The following FNDC3B variants were observed in gnomAD, a reference collection of about 807,000 sequenced individuals.
FNDC3B encodes fibronectin type III domain-containing protein 3B.
FNDC3B carries 12 observed loss-of-function variants against 151.5 expected under a neutral mutation model. The ratio of observed to expected loss-of-function variants is 0.08; its 90% CI spans 0.05 to 0.13. The LOEUF (loss-of-function observed/expected upper bound fraction) is 0.13. Among genes scored for constraint, FNDC3B ranks in the 10% least tolerant of loss-of-function variants. The probability of loss-of-function intolerance (pLI) is 1.00; values close to 1 mark genes in which losing one functional copy is unlikely to be tolerated. For missense variants in FNDC3B, 1,214 were observed against 1,505.3 expected (o/e 0.81, Z 3.20); for synonymous variants, 528 against 549.0 (o/e 0.96, Z 0.54).
intron 6 of FNDC3B, among the ~76,000 whole-genome samples, chr3:172,272,089 A>C (rs1024468258): frequency 6.6e-6 from 1 of 152,194 alleles, no homozygotes; most frequent in Non-Finnish European, 1.5e-5. Flanking sequence ...CCAGCAGTCT[A>C]AACTAAAAAT....
At chr3:172,333,318 A>G in intron 14 of FNDC3B, 143 bp downstream of exon 14, 1 of 623,860 alleles carries the variant, frequency 1.6e-6, no homozygotes, top group Non-Finnish European at 2.9e-6. Flanking sequence ...TATAAAGTGT[A>G]CAACATGCTT....
At chr3:172,169,777 T>C (rs1251899967) in intron 3 of FNDC3B, among the ~76,000 whole-genome samples, 1 of 152,268 alleles carries the variant, frequency 6.6e-6, no homozygotes, top group Non-Finnish European at 1.5e-5. Context: ...GATGAGTTAC[T>C]TTGTTCCCCA....
chr3:172,400,343 G>T lies in FNDC3B; in HGVS notation c.*2868G>T, dbSNP rs1299408996. ...TTGTTCTTATCAACTTGAAATGTTGGCATTTTCTAACCTTGTTTTGTTGGC... is the reference window on the plus strand; with the variant it reads ...TTGTTCTTATCAACTTGAAATGTTGTCATTTTCTAACCTTGTTTTGTTGGC... On this transcript the variant is annotated 3_prime_UTR_variant, in exon 26 of 26. Transcript: ENST00000415807. 2 of 152,514 alleles carry T rather than the reference G, an allele frequency of 1.3e-5. No homozygotes were observed. Among genetic ancestry groups the T allele is most frequent in the Non-Finnish European group, 2.9e-5 (2 of 68,018 alleles). The allele number at this position is 152,514 out of a possible 1,614,324, so 9.4% of individuals were successfully genotyped here. A position where few individuals can be genotyped will look rare whatever the true frequency, so the allele number is the denominator to read the frequency against.
At chr3:172,060,120 C>T (rs1341925137) in intron 1 of FNDC3B, among the ~76,000 whole-genome samples, 1 of 152,138 alleles carries the variant, frequency 6.6e-6, no homozygotes, top group East Asian at 1.9e-4. Context: ...ATTTGTTTCC[C>T]TCCCGAAGAG....
chr3:172,334,855 G>GC, intron 14 of FNDC3B, 89 bp from the exon 15 acceptor site: 1 of 1,185,424 alleles, frequency 8.4e-7, no homozygotes, highest in East Asian at 2.4e-5. Flanking sequence ...GTTTATGGGT[G>GC]CCTTAATCTC....
Position 172,109,266 on chromosome 3 carries a change from C to T in FNDC3B, c.-28-3186C>T, listed in dbSNP as rs575999362. 2.5e-3 allele frequency among the ~76,000 whole-genome samples: 374 copies of T among 150,696 alleles called. 1 individual carries two copies. Among genetic ancestry groups the T allele is most frequent in the African/African-American group, 8.9e-3 (363 of 40,708 alleles). ...CTGCAAGCTCCGCCTCCCGGGTTCA[C>T]GCCATTCTCCTGCCTCAGCCTCCCA... is the stretch of plus-strand genomic sequence containing the variant. On this transcript the variant is annotated intron_variant, in intron 1 of 25. Coordinates refer to ENST00000415807, the MANE Select transcript of FNDC3B (RefSeq NM_022763.4).
rs541729628 is a variant in FNDC3B at position 172,116,862 on chromosome 3, G to C, written c.111+4272G>C. On this transcript the variant is annotated intron_variant, in intron 2 of 25. Transcript: ENST00000415807. ...ATTACATGTGTGAGCCACCACGCCCGGTTCACTCAACACATTTCTAAGGTT... is the reference window on the plus strand; with the variant it reads ...ATTACATGTGTGAGCCACCACGCCCCGTTCACTCAACACATTTCTAAGGTT... 5.3e-5 allele frequency among the ~76,000 whole-genome samples: 8 copies of C among 152,236 alleles called. No individual in the cohort carries two copies. The South Asian group carries it at 1.7e-3, about 32-fold the overall frequency.
chr3:172,097,563 T>C (rs891465769), intron 1 of FNDC3B, among the ~76,000 whole-genome samples: 2 of 152,248 alleles, frequency 1.3e-5, no homozygotes, highest in African/African-American at 4.8e-5. Flanking sequence ...ATGCTCATTG[T>C]AGAATATTTT....
At chr3:172,157,805 C>T (rs575599067) in intron 3 of FNDC3B, among the ~76,000 whole-genome samples, 1 of 152,260 alleles carries the variant, frequency 6.6e-6, no homozygotes, top group East Asian at 1.9e-4. Flanking sequence ...TCTGGCTTTG[C>T]TTGAACATGA....
chr3:172,394,106 TAAAAAAAAAAAAAAAAA>T (rs60559371), intron 25 of FNDC3B, among the ~76,000 whole-genome samples: 8 of 16,644 alleles, frequency 4.8e-4, no homozygotes, highest in African/African-American at 1.1e-3. Flanking sequence ...AGACTCCTTC[TAAAAAAAAAAAAAAAAA>T]AAAAAAAAAA....
At chr3:172,322,095 T>C (rs1470462275) in intron 11 of FNDC3B, among the ~76,000 whole-genome samples, 1 of 152,236 alleles carries the variant, frequency 6.6e-6, no homozygotes, top group Non-Finnish European at 1.5e-5. Flanking sequence ...ACAATCACTT[T>C]CTTATGCTTG....
Position 172,400,434 on chromosome 3 carries a change from C to T in FNDC3B, c.*2959C>T, listed in dbSNP as rs1047744420. 6.6e-5 allele frequency: 10 copies of T among 152,538 alleles called. No individual in the cohort carries two copies. The highest frequency in any genetic ancestry group is 2.4e-4 in the African/African-American group (10 of 41,428). 9.4% of individuals were successfully genotyped at this position (152,538 alleles called of 1,614,324 possible). On this transcript the variant is annotated 3_prime_UTR_variant, in exon 26 of 26. Coordinates refer to ENST00000415807, the MANE Select transcript of FNDC3B (RefSeq NM_022763.4). ...TAATTGAATGTGTTTGAATGTTATC[C>T]TTGCACAATTCTTTAAATTGAAAGA... is the stretch of plus-strand genomic sequence containing the variant.
intron 16 of FNDC3B, among the ~76,000 whole-genome samples, chr3:172,340,661 C>G (rs1170615163): frequency 6.6e-6 from 1 of 152,188 alleles, no homozygotes; most frequent in African/African-American, 2.4e-5. Context: ...TTCCTTTGAC[C>G]TCTAGGCAGA....
In FNDC3B at chr3:172,328,952, G is replaced by A. The variant is rs1050527428; in HGVS notation, c.1255G>A (p.Gly419Arg). 6.2e-7 allele frequency: 1 copy of A among 1,600,804 alleles called. No individual in the cohort carries two copies. Among genetic ancestry groups the A allele is most frequent in the Non-Finnish European group, 8.5e-7 (1 of 1,172,740 alleles). Residue 419 changes from glycine (G) to arginine (R), a missense_variant and splice_region_variant, in exon 12 of 26, where the codon GGA (glycine) becomes AGA (arginine). Gly to Arg is a moderately radical substitution (Grantham distance 125). Around this residue, in one of 7 missense-constraint regions of FNDC3B, gnomAD observed 156 missense variants for 225.3 expected, o/e 0.69. Coordinates refer to ENST00000415807, the MANE Select transcript of FNDC3B (RefSeq NM_022763.4). Reference protein sequence around the residue: ...ITNYLLEWDEGKRNSGFRQCF... With the variant: ...ITNYLLEWDERKRNSGFRQCF... ...GCATTGTTTCATTGTTTACTTTTAG[G>A]GAAAAAGAAATAGTGGTTTCAGACA...
At chr3:172,123,629 C>T (rs1720663934) in intron 2 of FNDC3B, among the ~76,000 whole-genome samples, 1 of 152,144 alleles carries the variant, frequency 6.6e-6, no homozygotes, top group African/African-American at 2.4e-5. Flanking sequence ...AAATAGGCCA[C>T]AGTAATGCAG....
At chr3:172,386,764 A>G (rs1216599936) in intron 25 of FNDC3B, among the ~76,000 whole-genome samples, 7 of 151,644 alleles carry the variant, frequency 4.6e-5, no homozygotes, top group South Asian at 2.1e-4. Context: ...AAAAAGAAAA[A>G]AAAAAAAAAA....
intron 1 of FNDC3B, among the ~76,000 whole-genome samples, chr3:172,044,283 C>CT (rs767357950): frequency 0.066 from 7,307 of 110,330 alleles, 273 homozygotes; most frequent in Middle Eastern, 0.083. Context: ...AATTCCAACT[C>CT]TTTTTTTTTT....
At chr3:172,345,104 G>C (rs1733538756) in intron 19 of FNDC3B, among the ~76,000 whole-genome samples, 1 of 152,170 alleles carries the variant, frequency 6.6e-6, no homozygotes, top group Non-Finnish European at 1.5e-5. Flanking sequence ...TTAAGTGAAA[G>C]CAAGTTTATT....
At chr3:172,054,752 G>A (rs1182007467) in intron 1 of FNDC3B, among the ~76,000 whole-genome samples, 1 of 152,088 alleles carries the variant, frequency 6.6e-6, no homozygotes, top group Non-Finnish European at 1.5e-5. Flanking sequence ...CAGAGAAGTG[G>A]TACTTAATGC....
Sources: allele counts gnomAD v4.1 joint callset (sites outside exome capture counted in the v4.1 genomes callset), GRCh38; gene constraint gnomAD v4.1.1; regional missense constraint gnomAD v4.1.1; transcripts MANE v1.5; gene names NCBI Gene and HGNC (gene_info 2026-07-23, HGNC 2026-07-21).